ZNF737: variants seen among roughly 807,000 people sequenced by gnomAD.
ZNF737 encodes the protein zinc finger protein 737.
ZNF737 carries 13 observed loss-of-function variants against 11.7 expected under a neutral mutation model. The observed-to-expected ratio is 1.11, with a 90% confidence interval of 0.73 to 1.77. The LOEUF is 1.77. ZNF737 is among the 40% of genes most tolerant of loss of function. The probability of loss-of-function intolerance (pLI) is 0.00; values close to 1 mark genes in which losing one functional copy is unlikely to be tolerated. For missense variants in ZNF737, 636 were observed against 638.0 expected (o/e 1.00, Z 0.03); for synonymous variants, 217 against 216.2 (o/e 1.00, Z -0.03).
chr19:20,552,482 G>A lies in ZNF737; in HGVS notation c.219C>T (p.Asn73=), dbSNP rs368096138. Residue 73 remains asparagine, a synonymous_variant, in exon 3 of 4, where the codon AAC becomes AAT. Coordinates refer to ENST00000427401, the MANE Select transcript of ZNF737 (RefSeq NM_001159293.2). ...ATTTTCACTTGCACCTACCTGAGGG[G>A]TTGGCTACCATCTCATGTTTCTTCA... ...LTMKKHEMVA[N]PSVTCSHFAR... is the part of the protein sequence containing the mutation. 3.2e-6 allele frequency: 5 copies of A among 1,587,186 alleles called. No individual in the cohort carries two copies. Among genetic ancestry groups the A allele is most frequent in the Non-Finnish European group, 3.4e-6 (4 of 1,170,258 alleles).
chr19:20,565,764 A>G lies in ZNF737; in HGVS notation c.-124T>C. On this transcript the variant is annotated 5_prime_UTR_variant, in exon 1 of 4. Transcript: ENST00000427401. ...ACACAGCAGTGAAGACAAGACCTGGAGCTCCGGCTGCAGAGACAAAGGCCC... is the reference window on the plus strand; with the variant it reads ...ACACAGCAGTGAAGACAAGACCTGGGGCTCCGGCTGCAGAGACAAAGGCCC... 1.3e-6 allele frequency: 2 copies of G among 1,500,914 alleles called. No homozygotes were observed. The highest frequency in any genetic ancestry group is 1.9e-6 in the Non-Finnish European group (2 of 1,077,788). 93.0% of individuals were successfully genotyped at this position (1,500,914 alleles called of 1,614,324 possible). A position where few individuals can be genotyped will look rare whatever the true frequency, so the allele number is the denominator to read the frequency against.
rs1254311796 is a variant in ZNF737, at chr19:20,548,973, A to AC, written c.227-2998_227-2997insG. ...TTTAAAGAAAAACTGAAAAAAAAAA[A>AC]AAAAAAACAATTATGTATCTTTTTG... On this transcript the variant is annotated intron_variant, in intron 3 of 3. Coordinates refer to ENST00000427401, the MANE Select transcript of ZNF737 (RefSeq NM_001159293.2). Among the ~76,000 whole-genome samples the AC allele has an allele frequency of 3.1e-3, 375 of 119,924 alleles. 9 individuals carry two copies. The highest frequency in any genetic ancestry group is 0.011 in the African/African-American group (359 of 31,568). 78.7% of individuals were successfully genotyped at this position (119,924 alleles called of 152,430 possible).
intron 1 of ZNF737, among the ~76,000 whole-genome samples, chr19:20,559,749 C>A (rs1969014488): frequency 6.6e-6 from 1 of 152,082 alleles, no homozygotes; most frequent in African/African-American, 2.4e-5. Context: ...TGGGTATATA[C>A]CCAAAGAAAC....
In ZNF737 at chr19:20,544,241, T is replaced by C. The variant is rs1219302990; in HGVS notation, c.*351A>G. 2.8e-6 allele frequency: 3 copies of C among 1,061,852 alleles called. No homozygotes were observed. The highest frequency in any genetic ancestry group is 3.4e-6 in the Non-Finnish European group (3 of 878,848). 65.8% of individuals were successfully genotyped at this position (1,061,852 alleles called of 1,614,324 possible). On this transcript the variant is annotated 3_prime_UTR_variant, in exon 4 of 4. Coordinates refer to ENST00000427401, the MANE Select transcript of ZNF737 (RefSeq NM_001159293.2). ...AAGGGTTCAGAACTTCCTAAAAGCG[T>C]TGTCACATTCTTTATATTTGTAGGG...
downstream of ZNF737, among the ~76,000 whole-genome samples, chr19:20,536,364 C>A (rs900357270): frequency 6.6e-6 from 1 of 152,112 alleles, no homozygotes; most frequent in African/African-American, 2.4e-5. Context: ...TATAGTTGTA[C>A]AACATCAAAT....
At chr19:20,531,262 G>A (rs1198562223), downstream of ZNF737, among the ~76,000 whole-genome samples, 1 of 135,152 alleles carries the variant, frequency 7.4e-6, no homozygotes. Context: ...AGAGGGGAGA[G>A]GGGAGGGGAG....
At position 20,545,117 on chromosome 19, in the gene ZNF737, A is replaced by C. The variant is rs1300970644; in HGVS notation, c.1086T>G (p.Ile362Met). Reference sequence around the variant, plus strand: ...ATTTGTAGGGTTTCTCTCCACTATGAATTATCTTGTGTGTAGTAAGGGATG... The same window carrying C: ...ATTTGTAGGGTTTCTCTCCACTATGCATTATCTTGTGTGTAGTAAGGGATG... ...YFSSLTTHKI[I>M]HSGEKPYKCE... The change falls in exon 4 of 4, where the codon ATT (isoleucine) becomes ATG (methionine). Residue 362 changes from isoleucine (I) to methionine (M), a missense_variant. Transcript: ENST00000427401. 6.2e-7 allele frequency: 1 copy of C among 1,610,650 alleles called. No individual in the cohort carries two copies. The highest frequency in any genetic ancestry group is 1.3e-5 in the African/African-American group (1 of 74,650).
In ZNF737 at chr19:20,544,612, G is replaced by A. The variant is rs1968350731; in HGVS notation, c.1591C>T (p.His531Tyr). 6.2e-7 allele frequency: 1 copy of A among 1,604,868 alleles called. No homozygotes were observed. The highest frequency in any genetic ancestry group is 8.5e-7 in the Non-Finnish European group (1 of 1,176,638). The change falls in exon 4 of 4, where the codon CAT (histidine) becomes TAT (tyrosine). Residue 531 changes from histidine to tyrosine, a missense_variant. By Grantham distance (83) the His-to-Tyr change is moderately conservative (BLOSUM62 2). Transcript: ENST00000427401. ...PSTLTTHKVI[H>Y]TGEKL is the part of the protein sequence containing the mutation. ...CACATTTATAGTTTCTCTCCAGTATGAATTACCTTATGTGTAGTAAGGGTA... is the reference window on the plus strand; with the variant it reads ...CACATTTATAGTTTCTCTCCAGTATAAATTACCTTATGTGTAGTAAGGGTA...
downstream of ZNF737, among the ~76,000 whole-genome samples, chr19:20,534,368 G>A (rs1407487196): frequency 1.3e-5 from 2 of 149,768 alleles, 1 homozygote; most frequent in African/African-American, 4.9e-5. Context: ...CTTTAACCAG[G>A]GATGTGGAGG....
chr19:20,532,342 C>T (rs1203121567), downstream of ZNF737, among the ~76,000 whole-genome samples: 7 of 150,126 alleles, frequency 4.7e-5, no homozygotes, highest in East Asian at 2.0e-4. Flanking sequence ...GGGTAGAATA[C>T]GGAGATGTCA....
chr19:20,560,898 C>T (rs1342448199), intron 1 of ZNF737, among the ~76,000 whole-genome samples: 3 of 152,172 alleles, frequency 2.0e-5, no homozygotes, highest in Non-Finnish European at 4.4e-5. Context: ...AGGAGAACAA[C>T]AGACGCTGCG....
At chr19:20,552,045 A>G (rs1312519808) in intron 3 of ZNF737, among the ~76,000 whole-genome samples, 2 of 151,946 alleles carry the variant, frequency 1.3e-5, no homozygotes, top group African/African-American at 4.8e-5. Context: ...TAATAAAAAT[A>G]GAAAGGACTA....
chr19:20,543,275 C>T lies in ZNF737; in HGVS notation c.*1317G>A. 1 of 985,338 alleles carries T rather than the reference C, an allele frequency of 1.0e-6. No homozygotes were observed. Among genetic ancestry groups the T allele is most frequent in the Non-Finnish European group, 1.2e-6 (1 of 829,904 alleles). 61.0% of individuals were successfully genotyped at this position (985,338 alleles called of 1,614,324 possible). A position where few individuals can be genotyped will look rare whatever the true frequency, so the allele number is the denominator to read the frequency against. ...CCAATATAAATTCCCTGATGTTGAACAAACTTGAGCAACTGCTTTAGGATT... is the reference window on the plus strand; with the variant it reads ...CCAATATAAATTCCCTGATGTTGAATAAACTTGAGCAACTGCTTTAGGATT... On this transcript the variant is annotated 3_prime_UTR_variant, in exon 4 of 4. Coordinates refer to ENST00000427401, the MANE Select transcript of ZNF737 (RefSeq NM_001159293.2).
chr19:20,560,981 C>T (rs74718168), intron 1 of ZNF737, among the ~76,000 whole-genome samples: 2 of 151,866 alleles, frequency 1.3e-5, no homozygotes, highest in Non-Finnish European at 2.9e-5. Flanking sequence ...TGCTTAATAC[C>T]TCAGTGACAA....
Position 20,545,180 on chromosome 19 carries a change from G to C in ZNF737, c.1023C>G (p.Tyr341Ter). The change falls in exon 4 of 4, where the codon TAC (tyrosine) becomes TAG (stop). Residue 341 changes from tyrosine (Y) to a stop codon, truncating the protein, a stop_gained. Transcript: ENST00000427401. LOFTEE classifies it low-confidence loss of function (END_TRUNC). ...HKRIHTGEKP[Y>*]KCEECGRAFK... ...AGGCTCTGCCACATTCTTCACATTT[G>C]TAGGGTTTCTCTCCAGTATGAATTC... 6.2e-7 allele frequency: 1 copy of C among 1,613,888 alleles called. No individual in the cohort carries two copies. Among genetic ancestry groups the C allele is most frequent in the South Asian group, 1.1e-5 (1 of 91,044 alleles).
chr19:20,540,420 C>G lies in ZNF737; in HGVS notation c.*4172G>C, dbSNP rs1968154563. 6.6e-6 allele frequency among the ~76,000 whole-genome samples: 1 copy of G among 152,170 alleles called. No individual in the cohort carries two copies. The highest frequency in any genetic ancestry group is 2.1e-4 in the South Asian group (1 of 4,814). On this transcript the variant is annotated 3_prime_UTR_variant, in exon 4 of 4. Transcript: ENST00000427401. ...AGCACGTGTGCAACAGACTGGTAAT[C>G]CAGGGTATTATCTTAGAATGTTGCC...
At chr19:20,557,885 GA>G (rs1968948331) in intron 1 of ZNF737, among the ~76,000 whole-genome samples, 1 of 151,972 alleles carries the variant, frequency 6.6e-6, no homozygotes, top group African/African-American at 2.4e-5. Context: ...AAAGTGCTGG[GA>G]TTACAGGCAT....
intron 2 of ZNF737, 134 bp downstream of exon 2, chr19:20,553,575 A>G: frequency 9.9e-7 from 1 of 1,014,312 alleles, no homozygotes; most frequent in African/African-American, 1.6e-5. Flanking sequence ...TAAATGAACA[A>G]ATTCTGAAGA....
In ZNF737 at chr19:20,539,589, C is replaced by G. The variant is rs1471123302; in HGVS notation, c.*5003G>C. 1.0e-6 allele frequency: 1 copy of G among 976,956 alleles called. No individual in the cohort carries two copies. The highest frequency in any genetic ancestry group is 1.2e-6 in the Non-Finnish European group (1 of 822,412). The allele number at this position is 976,956 out of a possible 1,614,324, so 60.5% of individuals were successfully genotyped here. On this transcript the variant is annotated 3_prime_UTR_variant, in exon 4 of 4. Coordinates refer to ENST00000427401, the MANE Select transcript of ZNF737 (RefSeq NM_001159293.2). ...AAAAGAAACTATCTACATAACTAAT[C>G]ATGGATTCAAAAAATATTCATATTA...
Sources: allele counts gnomAD v4.1 joint callset (sites outside exome capture counted in the v4.1 genomes callset), GRCh38; gene constraint gnomAD v4.1.1; transcripts MANE v1.5; gene names NCBI Gene and HGNC (gene_info 2026-07-23, HGNC 2026-07-21).